The following ANKRD45 variants were observed in gnomAD, a reference collection of about 807,000 sequenced individuals.
ANKRD45 encodes the protein ankyrin repeat domain 45.
In ANKRD45, 21 loss-of-function variants were observed where a neutral mutation model predicts 28.1. The observed-to-expected ratio is 0.75, with a 90% CI of 0.53 to 1.08. The LOEUF (loss-of-function observed/expected upper bound fraction) is 1.08, where lower values mean the gene tolerates loss of function less well. Among genes scored for constraint, ANKRD45 ranks in the 50% least tolerant of loss-of-function variants. The pLI, the probability that ANKRD45 is intolerant of heterozygous loss-of-function variation, is 0.00. For synonymous variants in ANKRD45, 86 were observed against 103.9 expected (o/e 0.83, Z 1.05); for missense variants, 261 against 308.7 (o/e 0.85, Z 1.16).
intron 3 of ANKRD45, among the ~76,000 whole-genome samples, chr1:173,646,445 C>G (rs1246112921): frequency 6.6e-6 from 1 of 152,142 alleles, no homozygotes; most frequent in African/African-American, 2.4e-5. Context: ...TTGTTACAAC[C>G]TTTTATATTT....
intron 1 of ANKRD45, among the ~76,000 whole-genome samples, chr1:173,664,409 T>C (rs1669917227): frequency 6.6e-6 from 1 of 152,206 alleles, no homozygotes; most frequent in Admixed American, 6.5e-5. Context: ...TTGGAATGCC[T>C]TTCACTGGAA....
chr1:173,609,378 A>G lies in ANKRD45; in HGVS notation c.*767T>C, dbSNP rs1667050090. 6.6e-6 allele frequency among the ~76,000 whole-genome samples: 1 copy of G among 152,208 alleles called. No individual in the cohort carries two copies. Among genetic ancestry groups the G allele is most frequent in the African/African-American group, 2.4e-5 (1 of 41,454 alleles). Reference sequence around the variant, plus strand: ...CTATAAAACTTTTCCATAAAGTCACAACGTAAGAGAAGGTTGAGGCGCCTG... The same window carrying G: ...CTATAAAACTTTTCCATAAAGTCACGACGTAAGAGAAGGTTGAGGCGCCTG... On this transcript the variant is annotated 3_prime_UTR_variant, in exon 6 of 6. Coordinates refer to ENST00000333279, the MANE Select transcript of ANKRD45 (RefSeq NM_198493.3).
chr1:173,617,189 C>T (rs958833390), intron 5 of ANKRD45, among the ~76,000 whole-genome samples: 1 of 152,060 alleles, frequency 6.6e-6, no homozygotes, highest in South Asian at 2.1e-4. Flanking sequence ...CATACTCTGG[C>T]CCCAGGAATC....
chr1:173,660,394 A>C (rs979341976), intron 1 of ANKRD45, among the ~76,000 whole-genome samples: 2 of 152,198 alleles, frequency 1.3e-5, no homozygotes, highest in African/African-American at 4.8e-5. Flanking sequence ...TATTCACACA[A>C]AATGGTATAT....
At chr1:173,668,503 G>A (rs1670117560) in intron 1 of ANKRD45, among the ~76,000 whole-genome samples, 1 of 152,176 alleles carries the variant, frequency 6.6e-6, no homozygotes. Flanking sequence ...CAGAGCCAAG[G>A]GAAGGCAAAG....
chr1:173,663,286 A>G (rs1421982090), intron 1 of ANKRD45, among the ~76,000 whole-genome samples: 1 of 152,126 alleles, frequency 6.6e-6, no homozygotes, highest in Non-Finnish European at 1.5e-5. Flanking sequence ...AAGGGACACA[A>G]GGAAATGAGG....
intron 2 of ANKRD45, among the ~76,000 whole-genome samples, chr1:173,649,368 G>T (rs1323380153): frequency 6.6e-6 from 1 of 152,094 alleles, no homozygotes; most frequent in Non-Finnish European, 1.5e-5. Context: ...CTTTACCAAT[G>T]TTTAATCCTG....
intron 3 of ANKRD45, among the ~76,000 whole-genome samples, chr1:173,646,443 AC>A (rs1668927215): frequency 6.6e-6 from 1 of 152,162 alleles, no homozygotes; most frequent in Non-Finnish European, 1.5e-5. Flanking sequence ...TATTGTTACA[AC>A]CTTTTATATT....
At chr1:173,638,930 C>T (rs750594454) in intron 3 of ANKRD45, among the ~76,000 whole-genome samples, 3 of 152,020 alleles carry the variant, frequency 2.0e-5, no homozygotes, top group South Asian at 2.1e-4. Context: ...TAAAACAGGA[C>T]GGCACTGGTT....
chr1:173,683,954 C>T, the ANKRD45 span, among the ~76,000 whole-genome samples: 1 of 152,150 alleles, frequency 6.6e-6, no homozygotes, highest in Admixed American at 6.6e-5. Context: ...GTGGCCCTTC[C>T]TGCTGTGTCA....
chr1:173,704,925 G>A, the ANKRD45 span, among the ~76,000 whole-genome samples: 1 of 152,240 alleles, frequency 6.6e-6, no homozygotes, highest in Non-Finnish European at 1.5e-5. Context: ...AAAGGCCTCT[G>A]CAGCCCCTCT....
chr1:173,703,207 A>G, the ANKRD45 span, among the ~76,000 whole-genome samples: 6 of 140,276 alleles, frequency 4.3e-5, no homozygotes, highest in Admixed American at 4.3e-4. Context: ...TACCCAGCTA[A>G]TTTTTTTTTT....
chr1:173,686,227 G>A, the ANKRD45 span, among the ~76,000 whole-genome samples: 3 of 152,174 alleles, frequency 2.0e-5, no homozygotes, highest in South Asian at 4.1e-4. Context: ...GCAATAGTTC[G>A]AGGCAAAATT....
chr1:173,615,246 G>A (rs983800670), intron 5 of ANKRD45, among the ~76,000 whole-genome samples: 7 of 152,130 alleles, frequency 4.6e-5, no homozygotes, highest in African/African-American at 1.4e-4. Context: ...TTAGCTGGGC[G>A]CGGTGGCACG....
the ANKRD45 span, among the ~76,000 whole-genome samples, chr1:173,694,116 T>C: frequency 6.6e-6 from 1 of 152,116 alleles, no homozygotes; most frequent in Non-Finnish European, 1.5e-5. Context: ...TAGCAGACAA[T>C]AATTTCAAGG....
At chr1:173,635,771 C>A in intron 3 of ANKRD45, 1 of 1,535,426 alleles carries the variant, frequency 6.5e-7, no homozygotes, top group Non-Finnish European at 8.7e-7. Flanking sequence ...TAATTTATTA[C>A]AAGCTGTCTT....
intron 3 of ANKRD45, among the ~76,000 whole-genome samples, chr1:173,633,805 G>A (rs72709372): frequency 1.3e-4 from 20 of 152,058 alleles, no homozygotes; most frequent in Non-Finnish European, 2.4e-4. Context: ...AATGAAACTC[G>A]ACCCCATCTC....
At chr1:173,667,873 C>T (rs976245254) in intron 1 of ANKRD45, 2 of 223,684 alleles carry the variant, frequency 8.9e-6, no homozygotes, top group South Asian at 5.1e-5. Flanking sequence ...CATATTGCAA[C>T]GGATAGACTG....
chr1:173,635,564 A>G, intron 3 of ANKRD45: 1 of 1,534,862 alleles, frequency 6.5e-7, no homozygotes, highest in Middle Eastern at 1.7e-4. Context: ...TCTGTTGTTT[A>G]TCTGCTTCTT....
Sources: allele counts gnomAD v4.1 joint callset (sites outside exome capture counted in the v4.1 genomes callset), GRCh38; gene constraint gnomAD v4.1.1; transcripts MANE v1.5; gene names NCBI Gene and HGNC (gene_info 2026-07-23, HGNC 2026-07-21).